BMP2K: variants seen among roughly 807,000 people sequenced by gnomAD.
BMP2K encodes BMP-2-inducible protein kinase.
In BMP2K, 74 loss-of-function variants were observed where a neutral mutation model predicts 116.0. The ratio of observed to expected loss-of-function variants is 0.64; its 90% CI spans 0.53 to 0.77. The LOEUF (loss-of-function observed/expected upper bound fraction) is 0.77. Ranked by LOEUF, BMP2K falls within the 30% of genes least tolerant of loss-of-function variation. The pLI, the probability that BMP2K is intolerant of heterozygous loss-of-function variation, is 0.00. For synonymous variants in BMP2K, 486 were observed against 502.5 expected (o/e 0.97, Z 0.44); for missense variants, 1,365 against 1,403.6 (o/e 0.97, Z 0.44).
intron 2 of BMP2K, among the ~76,000 whole-genome samples, chr4:78,828,738 A>C (rs754912773): frequency 6.6e-6 from 1 of 152,232 alleles, no homozygotes; most frequent in Non-Finnish European, 1.5e-5. Flanking sequence ...GTACAATAGC[A>C]TTATGCCTAA....
intron 1 of BMP2K, among the ~76,000 whole-genome samples, chr4:78,803,315 G>T (rs922244974): frequency 6.6e-6 from 1 of 151,622 alleles, no homozygotes; most frequent in South Asian, 2.1e-4. Context: ...AAGCTCTCAC[G>T]TGTCTTCTAT....
intron 3 of BMP2K, among the ~76,000 whole-genome samples, chr4:78,841,443 T>C (rs551686563): frequency 2.6e-5 from 4 of 152,310 alleles, no homozygotes; most frequent in African/African-American, 7.2e-5. Context: ...TATATAACCT[T>C]CTCAGGGCTT....
At chr4:78,850,864 G>A in intron 6 of BMP2K, 60 bp from the exon 7 acceptor site, 2 of 1,567,524 alleles carry the variant, frequency 1.3e-6, no homozygotes, top group Non-Finnish European at 1.7e-6. Context: ...TGAGTTTTTG[G>A]CTATTTTTGT....
At chr4:78,896,400 GTTTAAAGTCTATTGATAGCA>G (rs1291018679) in intron 15 of BMP2K, among the ~76,000 whole-genome samples, 1 of 152,154 alleles carries the variant, frequency 6.6e-6, no homozygotes, top group African/African-American at 2.4e-5. Flanking sequence ...TCTGGGTTCA[GTTTAAAGTCTATTGATAGCA>G]TTTGACCCAG....
intron 1 of BMP2K, among the ~76,000 whole-genome samples, chr4:78,793,833 G>A (rs963252697): frequency 6.6e-6 from 1 of 151,110 alleles, no homozygotes; most frequent in Non-Finnish European, 1.5e-5. Flanking sequence ...GATATATTGG[G>A]TCAAAAATGT....
intron 11 of BMP2K, 150 bp from the exon 12 acceptor site, chr4:78,871,700 T>G (rs1444343540): frequency 2.1e-6 from 1 of 476,754 alleles, no homozygotes; most frequent in Non-Finnish European, 3.7e-6. Flanking sequence ...GCATATTTAT[T>G]AATAAATTAT....
At chr4:78,825,917 T>C in intron 1 of BMP2K, 120 bp from the exon 2 acceptor site, 1 of 739,552 alleles carries the variant, frequency 1.4e-6, no homozygotes, top group Non-Finnish European at 2.2e-6. Context: ...CTTATTGCAC[T>C]TGTTTTTGTC....
chr4:78,868,109 C>T (rs765017768), intron 10 of BMP2K, among the ~76,000 whole-genome samples: 18 of 151,964 alleles, frequency 1.2e-4, no homozygotes, highest in Non-Finnish European at 1.5e-4. Flanking sequence ...ACTATACATA[C>T]GTATTAGTTC....
At chr4:78,889,169 CGA>C (rs1274606669) in intron 15 of BMP2K, among the ~76,000 whole-genome samples, 1 of 141,944 alleles carries the variant, frequency 7.0e-6, no homozygotes, top group Non-Finnish European at 1.5e-5. Context: ...TGCAGTGAGC[CGA>C]GATCGTGCCA....
chr4:78,889,842 T>C (rs1277928108), intron 15 of BMP2K, among the ~76,000 whole-genome samples: 3 of 152,218 alleles, frequency 2.0e-5, no homozygotes, highest in Admixed American at 1.3e-4. Flanking sequence ...TAGTAAACCA[T>C]ATAGAGAATG....
intron 14 of BMP2K, chr4:78,879,259 C>A: frequency 9.9e-7 from 1 of 1,013,284 alleles, no homozygotes; most frequent in Non-Finnish European, 1.2e-6. Context: ...TGTTTTTCTG[C>A]ACACTCAATA....
At chr4:78,816,758 TCC>T (rs1042001713) in intron 1 of BMP2K, among the ~76,000 whole-genome samples, 4 of 151,882 alleles carry the variant, frequency 2.6e-5, no homozygotes, top group African/African-American at 9.7e-5. Context: ...TTTAAAAAAT[TCC>T]CTCTTATGGG....
chr4:78,860,338 G>GT (rs943346984), intron 8 of BMP2K, among the ~76,000 whole-genome samples: 22 of 151,230 alleles, frequency 1.5e-4, no homozygotes, highest in Non-Finnish European at 2.2e-4. Flanking sequence ...CTACAAAAAA[G>GT]TTTTTTTTTA....
At chr4:78,789,743 T>C (rs1260281572) in intron 1 of BMP2K, among the ~76,000 whole-genome samples, 1 of 152,216 alleles carries the variant, frequency 6.6e-6, no homozygotes, top group Non-Finnish European at 1.5e-5. Flanking sequence ...AGAGGACAAG[T>C]CATACATGAA....
chr4:78,867,219 T>C (rs1390161113), intron 10 of BMP2K, among the ~76,000 whole-genome samples: 1 of 151,644 alleles, frequency 6.6e-6, no homozygotes. Context: ...TGTTATGATA[T>C]GTTTAGGTTT....
At chr4:78,783,689 A>G (rs1238545954) in intron 1 of BMP2K, among the ~76,000 whole-genome samples, 1 of 152,082 alleles carries the variant, frequency 6.6e-6, no homozygotes, top group Non-Finnish European at 1.5e-5. Flanking sequence ...GCCTATAATA[A>G]CAGCTACTCA....
At chr4:78,861,939 AT>A (rs2110047058) in intron 9 of BMP2K, among the ~76,000 whole-genome samples, 1 of 151,928 alleles carries the variant, frequency 6.6e-6, no homozygotes, top group African/African-American at 2.4e-5. Context: ...TTTCAATCTT[AT>A]TTTTCAGAGT....
intron 1 of BMP2K, among the ~76,000 whole-genome samples, chr4:78,823,494 G>GTATATATAGT (rs915953552): frequency 6.8e-6 from 1 of 146,336 alleles, no homozygotes. Flanking sequence ...ATATAGTTTT[G>GTATATATAGT]TATATATAGT....
At position 78,911,721 on chromosome 4, in the gene BMP2K, C is replaced by T. The variant is rs1560561202; in HGVS notation, c.3174C>T (p.Val1058=). 1 of 1,613,834 alleles carries T rather than the reference C, an allele frequency of 6.2e-7. No homozygotes were observed. The highest frequency in any genetic ancestry group is 8.5e-7 in the Non-Finnish European group (1 of 1,179,874). ...CTGATGGGAAAGATAGGGGGAATGT[C>T]TTACAACCTGAGGAGAGCCTGTTGG... is the stretch of plus-strand genomic sequence containing the variant. ...ALTDGKDRGN[V]LQPEESLLDP... Residue 1058 remains valine, a synonymous_variant, in exon 16 of 16, where the codon GTC becomes GTT. Transcript: ENST00000502613.
Sources: allele counts gnomAD v4.1 joint callset (sites outside exome capture counted in the v4.1 genomes callset), GRCh38; gene constraint gnomAD v4.1.1; transcripts MANE v1.5; gene names NCBI Gene and HGNC (gene_info 2026-07-23, HGNC 2026-07-21).